Variants in NOS1AP observed in about 807,000 individuals in gnomAD.
The protein encoded by NOS1AP is nitric oxide synthase 1 adaptor protein.
Under a neutral mutation model 56.2 loss-of-function variants are expected in NOS1AP, and 21 were observed. The ratio of observed to expected loss-of-function variants is 0.37; its 90% CI spans 0.26 to 0.54. The LOEUF (loss-of-function observed/expected upper bound fraction) is 0.54, where lower values mean the gene tolerates loss of function less well. Among genes scored for constraint, NOS1AP ranks in the 20% least tolerant of loss-of-function variants. NOS1AP has a pLI of 0.84. For synonymous variants in NOS1AP, 270 were observed against 274.6 expected, an observed-to-expected ratio of 0.98 and a Z score of 0.17; for missense variants, 522 against 657.8, an observed-to-expected ratio of 0.79 and a Z score of 2.26.
chr1:162,320,577 C>T (rs767570103), intron 4 of NOS1AP, among the ~76,000 whole-genome samples: 14 of 152,218 alleles, frequency 9.2e-5, no homozygotes, highest in East Asian at 7.7e-4. Flanking sequence ...TAATTGGAGC[C>T]GGGAGCGGTG....
intron 8 of NOS1AP, chr1:162,364,615 G>A: frequency 1.0e-6 from 1 of 985,506 alleles, no homozygotes; most frequent in Non-Finnish European, 1.2e-6. Context: ...AACTGATGAG[G>A]GTGCCACAAA....
At chr1:162,092,672 CTGTT>C (rs1692160973) in intron 1 of NOS1AP, among the ~76,000 whole-genome samples, 1 of 152,166 alleles carries the variant, frequency 6.6e-6, no homozygotes, top group Admixed American at 6.5e-5. Flanking sequence ...GTGAATGAAT[CTGTT>C]TGGAGAAATG....
chr1:162,270,462 T>C (rs1342607360), intron 2 of NOS1AP, among the ~76,000 whole-genome samples: 1 of 152,208 alleles, frequency 6.6e-6, no homozygotes, highest in Non-Finnish European at 1.5e-5. Context: ...ATTTTATATA[T>C]AACATTATTA....
intron 2 of NOS1AP, among the ~76,000 whole-genome samples, chr1:162,279,865 G>A (rs1654862271): frequency 6.6e-6 from 1 of 152,214 alleles, no homozygotes; most frequent in South Asian, 2.1e-4. Context: ...AGAGTCAGGA[G>A]ATGTAGGTTC....
intron 4 of NOS1AP, among the ~76,000 whole-genome samples, chr1:162,306,568 A>G (rs184439384): frequency 2.0e-5 from 3 of 152,334 alleles, no homozygotes; most frequent in Admixed American, 1.3e-4. Context: ...TTGACCCGGT[A>G]TAAAACCACC....
At chr1:162,111,322 C>G (rs1647701954) in intron 1 of NOS1AP, among the ~76,000 whole-genome samples, 1 of 152,184 alleles carries the variant, frequency 6.6e-6, no homozygotes, top group South Asian at 2.1e-4. Flanking sequence ...AACATGAAAG[C>G]CATTGGAGAG....
chr1:162,092,558 G>A (rs191732862), intron 1 of NOS1AP, among the ~76,000 whole-genome samples: 26 of 152,282 alleles, frequency 1.7e-4, no homozygotes, highest in African/African-American at 6.0e-4. Flanking sequence ...TTATCTCAGT[G>A]CTTATTCTCT....
chr1:162,127,330 G>T (rs988416265), intron 1 of NOS1AP, among the ~76,000 whole-genome samples: 2 of 151,878 alleles, frequency 1.3e-5, no homozygotes, highest in African/African-American at 4.8e-5. Flanking sequence ...CTCCATCTGG[G>T]TTTACAAAGT....
At chr1:162,365,911 A>G (rs1053260776) in intron 9 of NOS1AP, among the ~76,000 whole-genome samples, 1 of 152,060 alleles carries the variant, frequency 6.6e-6, no homozygotes, top group Admixed American at 6.5e-5. Context: ...GCAATCAACA[A>G]ACAGTATACT....
intron 1 of NOS1AP, among the ~76,000 whole-genome samples, chr1:162,071,225 C>CT (rs1691654347): frequency 6.6e-6 from 1 of 152,116 alleles, no homozygotes; most frequent in Admixed American, 6.5e-5. Flanking sequence ...TACAGTGTGC[C>CT]TGTAGGTGGA....
At chr1:162,120,098 A>G (rs1932930) in intron 1 of NOS1AP, among the ~76,000 whole-genome samples, 73 of 2,330 alleles carry the variant, frequency 0.031, no homozygotes, top group East Asian at 0.12. Context: ...TATGTATATG[A>G]TATATACACA....
chr1:162,340,920 A>G (rs919792406), intron 5 of NOS1AP, among the ~76,000 whole-genome samples: 2 of 152,186 alleles, frequency 1.3e-5, no homozygotes, highest in Non-Finnish European at 2.9e-5. Flanking sequence ...TATGTTGCAC[A>G]TGTTTGTCCT....
intron 1 of NOS1AP, among the ~76,000 whole-genome samples, chr1:162,134,580 C>T (rs1303943643): frequency 1.3e-5 from 2 of 151,160 alleles, no homozygotes; most frequent in East Asian, 3.9e-4. Context: ...GAGATGCATG[C>T]ATTCAGTGGA....
At chr1:162,100,705 G>GA (rs141196229) in intron 1 of NOS1AP, among the ~76,000 whole-genome samples, 17,607 of 151,802 alleles carry the variant, frequency 0.12, 2,270 homozygotes, top group African/African-American at 0.32. Context: ...TGAAGTCCTT[G>GA]CCCATGCCTA....
At chr1:162,216,041 G>C (rs1571134979) in intron 2 of NOS1AP, among the ~76,000 whole-genome samples, 1 of 152,194 alleles carries the variant, frequency 6.6e-6, no homozygotes, top group East Asian at 1.9e-4. Context: ...ACCATGCTGA[G>C]CCTCTCATTT....
intron 1 of NOS1AP, among the ~76,000 whole-genome samples, chr1:162,091,788 C>T (rs1027071613): frequency 6.6e-6 from 1 of 152,162 alleles, no homozygotes; most frequent in Non-Finnish European, 1.5e-5. Context: ...TTACACAGCC[C>T]AGGAGCATGT....
At chr1:162,198,847 C>G (rs148736005) in intron 2 of NOS1AP, among the ~76,000 whole-genome samples, 1 of 152,104 alleles carries the variant, frequency 6.6e-6, no homozygotes, top group Non-Finnish European at 1.5e-5. Flanking sequence ...TGCACCAGCA[C>G]CACTATTCAT....
chr1:162,196,908 C>T (rs1203961874), intron 2 of NOS1AP, among the ~76,000 whole-genome samples: 6 of 152,180 alleles, frequency 3.9e-5, no homozygotes, highest in Admixed American at 6.5e-5. Context: ...TGTCCCTCTT[C>T]TCTTTTTCAT....
At chr1:162,286,500 C>G (rs1655092087) in intron 2 of NOS1AP, among the ~76,000 whole-genome samples, 1 of 152,166 alleles carries the variant, frequency 6.6e-6, no homozygotes, top group Non-Finnish European at 1.5e-5. Flanking sequence ...ATGAAGTTCA[C>G]TGAGGAAAAT....
Sources: allele counts gnomAD v4.1 joint callset (sites outside exome capture counted in the v4.1 genomes callset), GRCh38; gene constraint gnomAD v4.1.1; transcripts MANE v1.5; gene names NCBI Gene and HGNC (gene_info 2026-07-23, HGNC 2026-07-21).